COMMD5: variants seen among roughly 807,000 people sequenced by gnomAD.
COMMD5 encodes the protein COMM domain containing 5.
A neutral mutation model predicts 6.9 loss-of-function variants in COMMD5; 10 were observed. That is an observed-to-expected ratio of 1.44 (90% confidence interval 0.89 to 2.45). The LOEUF is 2.45. Among genes scored for constraint, COMMD5 ranks in the 30% most tolerant of loss-of-function variants. The probability of loss-of-function intolerance (pLI) is 0.00; values close to 1 mark genes in which losing one functional copy is unlikely to be tolerated. For synonymous variants in COMMD5, 127 were observed against 125.3 expected, an observed-to-expected ratio of 1.01 and a Z score of -0.09; for missense variants, 234 against 287.8, an observed-to-expected ratio of 0.81 and a Z score of 1.35.
intron 1 of COMMD5, 55 bp from the exon 2 acceptor site, chr8:144,851,450 G>C: frequency 8.3e-7 from 1 of 1,206,234 alleles, no homozygotes; most frequent in Non-Finnish European, 1.2e-6. Flanking sequence ...TTGGGCCAGC[G>C]AGTGAGGGTT....
intron 1 of COMMD5, among the ~76,000 whole-genome samples, chr8:144,844,869 G>A (rs1358287527): frequency 6.6e-6 from 1 of 151,978 alleles, no homozygotes; most frequent in African/African-American, 2.4e-5. Flanking sequence ...TGGGGTGAGA[G>A]TGGGTTAGGA....
chr8:144,843,857 A>G (rs1450258129), intron 1 of COMMD5: 3 of 152,194 alleles, frequency 2.0e-5, no homozygotes, highest in Admixed American at 1.3e-4. Context: ...ACGGAAATGC[A>G]TTAGCTCATG....
chr8:144,838,031 C>A, downstream of COMMD5: 8 of 697,618 alleles, frequency 1.1e-5, no homozygotes, highest in Non-Finnish European at 2.1e-5. Context: ...AAATCTGAAA[C>A]CGGGGGGTCA....
downstream of COMMD5, among the ~76,000 whole-genome samples, chr8:144,845,799 T>G (rs1425735308): frequency 6.6e-6 from 1 of 152,226 alleles, no homozygotes; most frequent in African/African-American, 2.4e-5. Flanking sequence ...CCACTGTAAC[T>G]GCCTCTTCTC....
chr8:144,841,247 C>G, exon 2 of COMMD5: 1 of 1,144,696 alleles, frequency 8.7e-7, no homozygotes. Flanking sequence ...CCTCACAGTG[C>G]TCAGTGCAAC....
chr8:144,845,849 G>C, downstream of COMMD5: 5 of 831,610 alleles, frequency 6.0e-6, no homozygotes, highest in Non-Finnish European at 9.2e-6. Flanking sequence ...TGTGCACGTG[G>C]AGTATGTGTG....
chr8:144,841,879 G>T, intron 1 of COMMD5: 2 of 1,614,176 alleles, frequency 1.2e-6, no homozygotes, highest in Non-Finnish European at 1.7e-6. Flanking sequence ...GTGTGGGAAA[G>T]TCTTCAGGCT....
chr8:144,838,964 C>CCT, downstream of COMMD5: 2 of 143,048 alleles, frequency 1.4e-5, no homozygotes, highest in Admixed American at 6.9e-5. Flanking sequence ...AAAAAAAAAG[C>CCT]AGGGGCTGTG....
Position 144,843,210 on chromosome 8 carries a change from A to G in COMMD5, c.*117-1467T>C, listed in dbSNP as rs569169330. The G allele has an allele frequency of 2.0e-6, 3 of 1,508,458 alleles. No homozygotes were observed. In the African/African-American group the frequency reaches 4.2e-5, roughly 21 times the overall value. The allele number at this position is 1,508,458 out of a possible 1,614,324, so 93.4% of individuals were successfully genotyped here. On this transcript the variant is annotated intron_variant and NMD_transcript_variant, in intron 1 of 1. Transcript: ENST00000530332. ...TGTGTATATATGTGAATAAACCTAT[A>G]GCCTTAACTTACTTATTTTATATGG... is the stretch of plus-strand genomic sequence containing the variant.
downstream of COMMD5, chr8:144,850,167 G>C (rs1830672163): frequency 6.4e-6 from 1 of 156,716 alleles, no homozygotes; most frequent in Admixed American, 6.1e-5. This position sits in a 1 kb window ranked among gnomAD's most constrained non-coding sequence, Gnocchi z 4.0. Flanking sequence ...GCCATCCTCT[G>C]ATGAGCTATT....
chr8:144,845,438 G>C (rs576255602), downstream of COMMD5, among the ~76,000 whole-genome samples: 3 of 152,178 alleles, frequency 2.0e-5, no homozygotes, highest in African/African-American at 4.8e-5. Flanking sequence ...GGTGGAGCAC[G>C]GTGGGGTTCT....
At chr8:144,843,401 A>C (rs1484244776) in intron 1 of COMMD5, 8 of 427,362 alleles carry the variant, frequency 1.9e-5, no homozygotes, top group Non-Finnish European at 2.8e-5. Context: ...CATCCTGGGT[A>C]ACAGGTGAAA....
chr8:144,844,184 T>C (rs1194414075), intron 1 of COMMD5, among the ~76,000 whole-genome samples: 1 of 152,134 alleles, frequency 6.6e-6, no homozygotes. Context: ...AAACATGCAC[T>C]GTGAGAGGGT....
intron 1 of COMMD5, 112 bp from the exon 2 acceptor site, chr8:144,851,507 ACAGT>A (rs1830744694): frequency 7.9e-6 from 6 of 757,832 alleles, no homozygotes; most frequent in South Asian, 5.6e-5. Flanking sequence ...ACTACCAATG[ACAGT>A]CAGTGCTGCG....
chr8:144,851,346 G>GC lies in COMMD5; in HGVS notation c.-9dup. ...AGCCCCCACAGCAGACATTGCTGCT[G>GC]CTTCCTCTTTGATCAGCCAGCCCAG... On this transcript the variant is annotated 5_prime_UTR_variant, in exon 2 of 2. Coordinates refer to ENST00000305103, the MANE Select transcript of COMMD5 (RefSeq NM_014066.4). 1 of 1,596,784 alleles carries GC rather than the reference G, an allele frequency of 6.3e-7. No individual in the cohort carries two copies. The highest frequency in any genetic ancestry group is 8.6e-7 in the Non-Finnish European group (1 of 1,168,302).
At chr8:144,846,689 G>C (rs983773437), downstream of COMMD5, 2 of 153,750 alleles carry the variant, frequency 1.3e-5, no homozygotes, top group Admixed American at 6.4e-5. Context: ...GCCACGGAGG[G>C]ATGGGAGGAG....
downstream of COMMD5, among the ~76,000 whole-genome samples, chr8:144,840,322 C>T (rs1270253481): frequency 6.6e-6 from 1 of 152,202 alleles, no homozygotes; most frequent in Non-Finnish European, 1.5e-5. Context: ...GATAGGAAGA[C>T]CTTTGGAGAT....
At position 144,850,680 on chromosome 8, in the gene COMMD5, C is replaced by A. The variant is rs763296080; in HGVS notation, c.659G>T (p.Arg220Leu). ...AGTGAGGGGTCAGTCCTGCAGTCTGCGCTCACACCTCTTCTCCAGATCTGC... is the reference window on the plus strand; with the variant it reads ...AGTGAGGGGTCAGTCCTGCAGTCTGAGCTCACACCTCTTCTCCAGATCTGC... ...EMADLEKRCE[R>L]RLQD The change falls in exon 2 of 2, where the codon CGC becomes CTC. Residue 220 changes from arginine to leucine, a missense_variant. Coordinates refer to ENST00000305103, the MANE Select transcript of COMMD5 (RefSeq NM_014066.4). This position sits in a 1 kb window ranked among gnomAD's most constrained non-coding sequence, Gnocchi z 4.0. The A allele has an allele frequency of 3.7e-6, 6 of 1,613,370 alleles. No individual in the cohort carries two copies. Among genetic ancestry groups the A allele is most frequent in the Middle Eastern group, 1.8e-4 (1 of 5,642 alleles).
downstream of COMMD5, among the ~76,000 whole-genome samples, chr8:144,848,947 C>T (rs917085204): frequency 1.3e-5 from 2 of 152,170 alleles, no homozygotes; most frequent in South Asian, 2.1e-4. Flanking sequence ...CCTGGGTCCC[C>T]GCTTGAGACA....
Sources: gnomAD v4.1 joint callset for allele counts (sites outside exome capture counted in the v4.1 genomes callset) on GRCh38, gnomAD v4.1.1 for gene constraint, Gnocchi (gnomAD v3.1) non-coding constraint, MANE v1.5 for transcripts, NCBI Gene and HGNC (gene_info 2026-07-23, HGNC 2026-07-21) for gene names.